TMEM132D: variants seen among roughly 807,000 people sequenced by gnomAD.
TMEM132D encodes the protein mature OL transmembrane protein.
In TMEM132D, 21 loss-of-function variants were observed where a neutral mutation model predicts 62.3. That is an observed-to-expected ratio of 0.34 (90% CI 0.24 to 0.49). The LOEUF (loss-of-function observed/expected upper bound fraction) is 0.49. Ranked by LOEUF, TMEM132D falls within the 20% of genes least tolerant of loss-of-function variation. The pLI is 0.99. For missense variants in TMEM132D, 1,346 were observed against 1,402.8 expected, an observed-to-expected ratio of 0.96 and a Z score of 0.65; for synonymous variants, 621 against 575.6, an observed-to-expected ratio of 1.08 and a Z score of -1.13.
chr12:129,427,535 A>T (rs1276192332), intron 3 of TMEM132D, among the ~76,000 whole-genome samples: 1 of 152,170 alleles, frequency 6.6e-6, no homozygotes, highest in Admixed American at 6.5e-5. Flanking sequence ...GTGCACATGT[A>T]CCCTAAAACT....
chr12:129,498,773 A>G lies in TMEM132D; in HGVS notation c.1115+32286T>C, dbSNP rs920425159. 9.2e-5 allele frequency among the ~76,000 whole-genome samples: 14 copies of G among 152,238 alleles called. No homozygotes were observed. In the Middle Eastern group the frequency reaches 0.01, roughly 111 times the overall value. Reference sequence around the variant, plus strand: ...AAGGTTCTTTGGTTGCAAGCAAGAGAATTCTATATAAAGTTGTTTAAGAAG... The same window carrying G: ...AAGGTTCTTTGGTTGCAAGCAAGAGGATTCTATATAAAGTTGTTTAAGAAG... On this transcript the variant is annotated intron_variant, in intron 3 of 8. Coordinates refer to ENST00000422113, the MANE Select transcript of TMEM132D (RefSeq NM_133448.3).
Position 129,896,190 on chromosome 12 carries a change from G to A in TMEM132D, c.79+7071C>T, listed in dbSNP as rs140358086. On this transcript the variant is annotated intron_variant, in intron 1 of 8. Transcript: ENST00000422113. ...TGTAGAGATGGAGTCTTGCTTTGTTGCCCAGGCTGGTCTTGAACTCCTGGA... is the reference window on the plus strand; with the variant it reads ...TGTAGAGATGGAGTCTTGCTTTGTTACCCAGGCTGGTCTTGAACTCCTGGA... Among the ~76,000 whole-genome samples the A allele has an allele frequency of 4.6e-3, 699 of 151,830 alleles. 4 individuals carry two copies. Among genetic ancestry groups the A allele is most frequent in the Non-Finnish European group, 6.9e-3 (472 of 67,916 alleles).
At chr12:129,267,278 G>A (rs574692172) in intron 4 of TMEM132D, among the ~76,000 whole-genome samples, 1 of 152,194 alleles carries the variant, frequency 6.6e-6, no homozygotes, top group South Asian at 2.1e-4. Flanking sequence ...TATATATTTA[G>A]AAAACCCCAT....
intron 2 of TMEM132D, among the ~76,000 whole-genome samples, chr12:129,533,171 T>TG (rs1478810950): frequency 6.6e-6 from 1 of 152,122 alleles, no homozygotes; most frequent in African/African-American, 2.4e-5. Context: ...ATTATTTCTG[T>TG]GGGGAAAATG....
At chr12:129,571,763 T>C (rs1877520250) in intron 2 of TMEM132D, among the ~76,000 whole-genome samples, 1 of 152,044 alleles carries the variant, frequency 6.6e-6, no homozygotes, top group African/African-American at 2.4e-5. Context: ...TTTGATCTGC[T>C]ATTCCCAATG....
intron 1 of TMEM132D, among the ~76,000 whole-genome samples, chr12:129,839,117 A>ATTTGTTTT (rs1873098116): frequency 9.7e-5 from 2 of 20,704 alleles, no homozygotes; most frequent in African/African-American, 1.8e-4. Flanking sequence ...CGCCTGGCTA[A>ATTTGTTTT]TTTTTTTTTT....
chr12:129,895,351 G>A (rs1875073447), intron 1 of TMEM132D, among the ~76,000 whole-genome samples: 1 of 152,154 alleles, frequency 6.6e-6, no homozygotes, highest in Non-Finnish European at 1.5e-5. Flanking sequence ...TGTAGATACT[G>A]CCACACTCCC....
chr12:129,587,025 T>C (rs1878049534), intron 2 of TMEM132D, among the ~76,000 whole-genome samples: 1 of 151,948 alleles, frequency 6.6e-6, no homozygotes, highest in Admixed American at 6.5e-5. Context: ...AAAATGCTAA[T>C]AAAAAATCAA....
chr12:129,132,334 A>G (rs1348942365), intron 5 of TMEM132D, among the ~76,000 whole-genome samples: 1 of 152,212 alleles, frequency 6.6e-6, no homozygotes, highest in Non-Finnish European at 1.5e-5. Context: ...CAGAATATTT[A>G]AATTATGAGC....
intron 5 of TMEM132D, among the ~76,000 whole-genome samples, chr12:129,098,996 G>C (rs1439461155): frequency 6.6e-6 from 1 of 152,110 alleles, no homozygotes; most frequent in East Asian, 1.9e-4. Context: ...ATGGCCTCTG[G>C]TGCCTTCTCT....
chr12:129,230,307 A>AGGG (rs10668079), intron 4 of TMEM132D, among the ~76,000 whole-genome samples: 25,806 of 140,212 alleles, frequency 0.18, 2,590 homozygotes, highest in Non-Finnish European at 0.21. Flanking sequence ...TCTGTGTTGG[A>AGGG]GGGGGGGGGC....
At chr12:129,474,633 C>T (rs1045287580) in intron 3 of TMEM132D, among the ~76,000 whole-genome samples, 1 of 152,148 alleles carries the variant, frequency 6.6e-6, no homozygotes, top group Non-Finnish European at 1.5e-5. Context: ...CGTCCCTTCG[C>T]GTTGACAGCT....
intron 1 of TMEM132D, among the ~76,000 whole-genome samples, chr12:129,895,817 G>GT (rs912415626): frequency 2.1e-4 from 24 of 114,200 alleles, no homozygotes; most frequent in Admixed American, 1.2e-3. Flanking sequence ...CTTTCCCCTA[G>GT]TAAAAAAAAA....
At chr12:129,561,111 G>C (rs993338660) in intron 2 of TMEM132D, among the ~76,000 whole-genome samples, 2 of 152,272 alleles carry the variant, frequency 1.3e-5, no homozygotes, top group East Asian at 3.9e-4. Flanking sequence ...GAAAATTGGG[G>C]ACTTAATTTG....
At chr12:129,450,881 G>T (rs868119238) in intron 3 of TMEM132D, among the ~76,000 whole-genome samples, 1 of 138,046 alleles carries the variant, frequency 7.2e-6, no homozygotes, top group African/African-American at 2.8e-5. Context: ...TCAGCCTCCC[G>T]AGTAGCTGGG....
At chr12:129,564,855 G>A (rs1022528611) in intron 2 of TMEM132D, among the ~76,000 whole-genome samples, 3 of 152,208 alleles carry the variant, frequency 2.0e-5, no homozygotes, top group Admixed American at 2.0e-4. Flanking sequence ...GCATGACCAT[G>A]GAAGGTAGCG....
At chr12:129,800,073 G>C (rs1871716482) in intron 1 of TMEM132D, among the ~76,000 whole-genome samples, 1 of 152,126 alleles carries the variant, frequency 6.6e-6, no homozygotes. Context: ...AAGTCTTCTA[G>C]ATGACCTAGG....
At chr12:129,284,307 T>C (rs1007806300) in intron 4 of TMEM132D, among the ~76,000 whole-genome samples, 1 of 152,226 alleles carries the variant, frequency 6.6e-6, no homozygotes, top group Non-Finnish European at 1.5e-5. Flanking sequence ...TGAAGACCCA[T>C]CTACATCATC....
At chr12:129,487,218 C>G (rs1874610724) in intron 3 of TMEM132D, among the ~76,000 whole-genome samples, 1 of 152,180 alleles carries the variant, frequency 6.6e-6, no homozygotes. Flanking sequence ...AGGCGTGAAA[C>G]TGTACCTGCA....
Sources: allele counts gnomAD v4.1 joint callset (sites outside exome capture counted in the v4.1 genomes callset), GRCh38; gene constraint gnomAD v4.1.1; transcripts MANE v1.5; gene names NCBI Gene and HGNC (gene_info 2026-07-23, HGNC 2026-07-21).